Variants in NPAS3 observed in about 807,000 individuals in gnomAD.
NPAS3 encodes neuronal PAS domain-containing protein 3.
A neutral mutation model predicts 73.1 loss-of-function variants in NPAS3; 14 were observed. The ratio of observed to expected loss-of-function variants is 0.19; its 90% CI spans 0.13 to 0.30. The LOEUF (loss-of-function observed/expected upper bound fraction) is 0.30, where lower values mean the gene tolerates loss of function less well. Ranked by LOEUF, NPAS3 falls within the 10% of genes least tolerant of loss-of-function variation. The pLI, the probability that NPAS3 is intolerant of heterozygous loss-of-function variation, is 1.00. For missense variants in NPAS3, 1,096 were observed against 1,250.0 expected, an observed-to-expected ratio of 0.88 and a Z score of 1.86; for synonymous variants, 620 against 541.5, an observed-to-expected ratio of 1.14 and a Z score of -2.01.
chr14:33,781,910 A>T (rs757252030), intron 9 of NPAS3, among the ~76,000 whole-genome samples: 2 of 152,244 alleles, frequency 1.3e-5, no homozygotes, highest in Non-Finnish European at 2.9e-5. Context: ...TGCCAGGATT[A>T]CAACTCTGAT....
chr14:33,520,798 A>C (rs2053522194), intron 4 of NPAS3, among the ~76,000 whole-genome samples: 1 of 152,168 alleles, frequency 6.6e-6, no homozygotes, highest in Admixed American at 6.5e-5. Context: ...CAGTTTCAAC[A>C]CAGCTGTTGA....
At chr14:33,491,540 T>C (rs2051898782) in intron 4 of NPAS3, among the ~76,000 whole-genome samples, 1 of 152,170 alleles carries the variant, frequency 6.6e-6, no homozygotes, top group Non-Finnish European at 1.5e-5. Flanking sequence ...GAATTTTAGA[T>C]GTTCTTTAAT....
At chr14:33,496,145 C>T (rs1267149909) in intron 4 of NPAS3, among the ~76,000 whole-genome samples, 1 of 152,090 alleles carries the variant, frequency 6.6e-6, no homozygotes, top group African/African-American at 2.4e-5. Context: ...AAGACTGAAT[C>T]AGGAAGAAAT....
At chr14:33,397,091 A>G (rs75484682) in intron 4 of NPAS3, among the ~76,000 whole-genome samples, 2 of 152,090 alleles carry the variant, frequency 1.3e-5, no homozygotes, top group African/African-American at 4.8e-5. Context: ...CTGAATTAAG[A>G]AGGCTCTTTC....
At chr14:33,490,955 C>T (rs1270302583) in intron 4 of NPAS3, among the ~76,000 whole-genome samples, 1 of 152,112 alleles carries the variant, frequency 6.6e-6, no homozygotes, top group Admixed American at 6.6e-5. Context: ...AGCAAAAATA[C>T]AATTTTTCAC....
Position 33,326,254 on chromosome 14 carries a change from AAGC to A in NPAS3, c.386-40929_386-40927del. 2.0e-5 allele frequency among the ~76,000 whole-genome samples: 3 copies of A among 152,330 alleles called. 1 individual carries two copies. The East Asian group carries it at 5.8e-4, about 29-fold the overall frequency. On this transcript the variant is annotated intron_variant, in intron 3 of 11. Transcript: ENST00000356141. ...CCTAAAGCTATAGTGAAAGGGAAAA[AAGC>A]AGAGAGACAAAGTATTATAAGCATT...
chr14:33,632,043 C>T (rs1476069154), intron 5 of NPAS3, among the ~76,000 whole-genome samples: 7 of 152,076 alleles, frequency 4.6e-5, no homozygotes, highest in Admixed American at 1.3e-4. Context: ...TCTCTTATGA[C>T]GATTTCACGT....
intron 5 of NPAS3, among the ~76,000 whole-genome samples, chr14:33,635,174 G>A (rs2058480813): frequency 6.6e-6 from 1 of 152,212 alleles, no homozygotes; most frequent in Non-Finnish European, 1.5e-5. Flanking sequence ...AGTGTTTTGA[G>A]AAGAAAAGAA....
At chr14:33,435,822 C>T (rs1387252270) in intron 4 of NPAS3, among the ~76,000 whole-genome samples, 2 of 152,084 alleles carry the variant, frequency 1.3e-5, no homozygotes, top group Admixed American at 1.3e-4. Context: ...TTATATTTAC[C>T]AGTGCCATGA....
chr14:33,124,064 G>T (rs931860376), intron 2 of NPAS3, among the ~76,000 whole-genome samples: 15 of 151,626 alleles, frequency 9.9e-5, no homozygotes, highest in African/African-American at 3.6e-4. Flanking sequence ...ATGTTGCCCT[G>T]GCTGGTCTTG....
rs117803300 is a variant in NPAS3, at chr14:32,987,809, T to C, written c.50+48443T>C. On this transcript the variant is annotated intron_variant, in intron 1 of 11. Transcript: ENST00000356141. ...TATGTAAAAAATACTTTAAATTTCT[T>C]TTTACTCTTCTTAGCTATTACCATG... is the stretch of plus-strand genomic sequence containing the variant. Among the ~76,000 whole-genome samples the C allele has an allele frequency of 1.8e-3, 277 of 152,308 alleles. 1 individual carries two copies. The highest frequency in any genetic ancestry group is 3.2e-3 in the Non-Finnish European group (218 of 68,016).
intron 2 of NPAS3, among the ~76,000 whole-genome samples, chr14:33,087,610 A>G (rs368955952): frequency 2.4e-4 from 37 of 152,308 alleles, no homozygotes; most frequent in African/African-American, 8.9e-4. Context: ...CATAAGGCAG[A>G]CTTACAAAAA....
At chr14:33,676,715 G>A (rs963072335) in intron 6 of NPAS3, among the ~76,000 whole-genome samples, 16 of 152,156 alleles carry the variant, frequency 1.1e-4, no homozygotes, top group African/African-American at 2.9e-4. Context: ...AATGTAATGC[G>A]TTTATTTATT....
intron 2 of NPAS3, among the ~76,000 whole-genome samples, chr14:33,169,290 G>A (rs552360197): frequency 1.5e-4 from 23 of 152,058 alleles, no homozygotes; most frequent in East Asian, 7.7e-4. Context: ...AGAGTGGGCC[G>A]GGCACGATGG....
At chr14:33,613,851 C>T (rs2057829869) in intron 5 of NPAS3, among the ~76,000 whole-genome samples, 1 of 152,144 alleles carries the variant, frequency 6.6e-6, no homozygotes, top group Non-Finnish European at 1.5e-5. Flanking sequence ...CTCAGTACTG[C>T]TTTGTTTATA....
At chr14:33,008,973 T>G (rs985914023) in intron 1 of NPAS3, among the ~76,000 whole-genome samples, 1 of 152,246 alleles carries the variant, frequency 6.6e-6, no homozygotes, top group Non-Finnish European at 1.5e-5. Flanking sequence ...TGTGAGGATC[T>G]GATGCCAGTG....
chr14:33,543,696 A>T (rs1382319499), intron 4 of NPAS3, among the ~76,000 whole-genome samples: 1 of 152,104 alleles, frequency 6.6e-6, no homozygotes, highest in African/African-American at 2.4e-5. Flanking sequence ...ATCAGAGAGG[A>T]CAACAATCAT....
At chr14:33,373,824 T>C (rs2046201610) in intron 4 of NPAS3, among the ~76,000 whole-genome samples, 1 of 152,144 alleles carries the variant, frequency 6.6e-6, no homozygotes, top group African/African-American at 2.4e-5. Flanking sequence ...GCATACTCTC[T>C]GAGGGGACTG....
chr14:33,732,439 G>C (rs781012479), intron 6 of NPAS3, among the ~76,000 whole-genome samples: 31 of 152,214 alleles, frequency 2.0e-4, no homozygotes, highest in Non-Finnish European at 4.0e-4. Context: ...CATTGTCACA[G>C]CTGGGATAAA....
Sources: gnomAD v4.1 joint callset for allele counts (sites outside exome capture counted in the v4.1 genomes callset) on GRCh38, gnomAD v4.1.1 for gene constraint, MANE v1.5 for transcripts, NCBI Gene and HGNC (gene_info 2026-07-23, HGNC 2026-07-21) for gene names.